Variants in RAB27B observed in about 807,000 individuals in gnomAD.
RAB27B encodes the protein RAB27B, member RAS oncogene family.
RAB27B carries 15 observed loss-of-function variants against 24.6 expected under a neutral mutation model. The observed-to-expected ratio is 0.61, with a 90% CI of 0.41 to 0.94. RAB27B has a LOEUF of 0.94. Among genes scored for constraint, RAB27B ranks in the 40% least tolerant of loss-of-function variants. RAB27B has a pLI of 0.00. For missense variants in RAB27B, 261 were observed against 266.8 expected (o/e 0.98, Z 0.15); for synonymous variants, 105 against 92.5 (o/e 1.14, Z -0.78).
chr18:54,779,307 C>T (rs1404423238), intron 2 of RAB27B, among the ~76,000 whole-genome samples: 3 of 152,156 alleles, frequency 2.0e-5, no homozygotes, highest in Non-Finnish European at 4.4e-5. Context: ...TTCCCAGGTC[C>T]CATTTCCACA....
At chr18:54,741,868 G>T (rs975071523) in intron 2 of RAB27B, among the ~76,000 whole-genome samples, 2 of 152,098 alleles carry the variant, frequency 1.3e-5, no homozygotes, top group Non-Finnish European at 2.9e-5. Context: ...TTTTGCCTAA[G>T]CTGGCAGTAG....
chr18:54,853,105 G>T (rs1029680781), intron 1 of RAB27B, among the ~76,000 whole-genome samples: 1 of 152,132 alleles, frequency 6.6e-6, no homozygotes, highest in South Asian at 2.1e-4. Context: ...AATTTTGAAA[G>T]TCTCTTGCAT....
At chr18:54,863,947 T>G (rs2145242867) in intron 1 of RAB27B, among the ~76,000 whole-genome samples, 1 of 152,368 alleles carries the variant, frequency 6.6e-6, no homozygotes, top group East Asian at 1.9e-4. Context: ...AATTTGGGGC[T>G]ATTATGAATA....
chr18:54,791,404 T>C (rs1209526929), intron 2 of RAB27B, among the ~76,000 whole-genome samples: 3 of 152,058 alleles, frequency 2.0e-5, no homozygotes, highest in Admixed American at 2.0e-4. Context: ...TGAGACCCCC[T>C]CTCTACAAAA....
intron 2 of RAB27B, chr18:54,744,645 T>A (rs533693758): frequency 6.6e-6 from 1 of 152,262 alleles, no homozygotes; most frequent in African/African-American, 2.4e-5. Context: ...GTACAATAAT[T>A]ATGTGTCAGT....
In RAB27B at chr18:54,725,740, C is replaced by T. The variant is rs560307811; in HGVS notation, c.-20+7599C>T. On this transcript the variant is annotated intron_variant, in intron 2 of 4. Coordinates refer to the RAB27B transcript ENST00000586570. Reference sequence around the variant, plus strand: ...CTAACTCACTATCACGAGAATAGGACGAGGGAAACCACCCCCATGATTAAA... The same window carrying T: ...CTAACTCACTATCACGAGAATAGGATGAGGGAAACCACCCCCATGATTAAA... Among the ~76,000 whole-genome samples the T allele has an allele frequency of 1.1e-3, 160 of 151,406 alleles. 2 individuals carry two copies. In the South Asian group the frequency reaches 0.011, roughly 11 times the overall value.
chr18:54,875,544 T>A (rs886382951), intron 1 of RAB27B, among the ~76,000 whole-genome samples: 27 of 151,256 alleles, frequency 1.8e-4, no homozygotes, highest in African/African-American at 3.2e-4. Flanking sequence ...TGTCTAGGTT[T>A]TTTTTTTTTT....
chr18:54,786,071 C>A (rs910685783), intron 2 of RAB27B, among the ~76,000 whole-genome samples: 2 of 152,058 alleles, frequency 1.3e-5, no homozygotes, highest in Admixed American at 1.3e-4. Flanking sequence ...TTCTCTTCTT[C>A]TTCTTGATTT....
At chr18:54,804,086 G>A (rs1909692069) in intron 2 of RAB27B, among the ~76,000 whole-genome samples, 1 of 152,118 alleles carries the variant, frequency 6.6e-6, no homozygotes, top group Non-Finnish European at 1.5e-5. Flanking sequence ...CTTGGAGTTT[G>A]TTAGAAATGC....
At chr18:54,773,402 C>G (rs1908614721) in intron 2 of RAB27B, among the ~76,000 whole-genome samples, 1 of 152,144 alleles carries the variant, frequency 6.6e-6, no homozygotes, top group African/African-American at 2.4e-5. Flanking sequence ...CTGGTTTTCC[C>G]AAAAGGAAAC....
chr18:54,832,548 A>C (rs2145186219), intron 1 of RAB27B, among the ~76,000 whole-genome samples: 1 of 152,332 alleles, frequency 6.6e-6, no homozygotes, highest in East Asian at 1.9e-4. Context: ...GCAAGTGGCT[A>C]TGGATACTAT....
intron 1 of RAB27B, among the ~76,000 whole-genome samples, chr18:54,849,642 A>G (rs1911477558): frequency 6.6e-6 from 1 of 152,088 alleles, no homozygotes; most frequent in Non-Finnish European, 1.5e-5. Flanking sequence ...AATCTCTTGA[A>G]CCCAGGAGGT....
chr18:54,766,293 A>G (rs1452185414), intron 2 of RAB27B, among the ~76,000 whole-genome samples: 9 of 152,194 alleles, frequency 5.9e-5, no homozygotes, highest in South Asian at 2.1e-4. Context: ...TAATGAAAGG[A>G]CAGTCATGGC....
chr18:54,878,785 G>A (rs1441693486), intron 2 of RAB27B, among the ~76,000 whole-genome samples: 1 of 151,976 alleles, frequency 6.6e-6, no homozygotes, highest in Non-Finnish European at 1.5e-5. Flanking sequence ...TACCTAAAAA[G>A]AGCCTTTGAC....
chr18:54,756,451 C>G (rs927280958), intron 2 of RAB27B, among the ~76,000 whole-genome samples: 6 of 152,112 alleles, frequency 3.9e-5, no homozygotes, highest in Non-Finnish European at 8.8e-5. Context: ...TACTGCTTTT[C>G]TACCATGTTT....
chr18:54,855,774 A>C (rs1180517771), intron 1 of RAB27B, among the ~76,000 whole-genome samples: 15 of 152,186 alleles, frequency 9.9e-5, no homozygotes, highest in Admixed American at 9.8e-4. Flanking sequence ...TATATTTGTG[A>C]GTTTTAGACT....
Position 54,878,635 on chromosome 18 carries a change from A to G in RAB27B, c.154-734A>G, listed in dbSNP as rs185465282. ...TTTCCTGCCTTCTCTCCTTTCCAGT[A>G]TCTGGGTATATGTCCTGGCAGAATT... On this transcript the variant is annotated intron_variant, in intron 2 of 5. Transcript: ENST00000262094. 1.3e-3 allele frequency among the ~76,000 whole-genome samples: 194 copies of G among 152,264 alleles called. 2 individuals carry two copies. Among genetic ancestry groups the G allele is most frequent in the African/African-American group, 4.5e-3 (187 of 41,564 alleles).
At chr18:54,858,144 G>A (rs577846915) in intron 1 of RAB27B, among the ~76,000 whole-genome samples, 1 of 152,260 alleles carries the variant, frequency 6.6e-6, no homozygotes, top group East Asian at 1.9e-4. Flanking sequence ...TATTATCAGA[G>A]AAGGACAGTG....
chr18:54,796,098 C>T (rs1292088427), intron 2 of RAB27B, among the ~76,000 whole-genome samples: 1 of 152,174 alleles, frequency 6.6e-6, no homozygotes. Context: ...AGAGTTTCCT[C>T]ATCCCCCTTG....
Sources: gnomAD v4.1 joint callset for allele counts (sites outside exome capture counted in the v4.1 genomes callset) on GRCh38, gnomAD v4.1.1 for gene constraint, MANE v1.5 for transcripts, NCBI Gene and HGNC (gene_info 2026-07-23, HGNC 2026-07-21) for gene names.